Variants in MBOAT2 observed in about 807,000 individuals in gnomAD.
MBOAT2 encodes membrane bound glycerophospholipid O-acyltransferase 2, also known as membrane-bound glycerophospholipid O-acyltransferase 2.
MBOAT2 carries 28 observed loss-of-function variants against 63.4 expected under a neutral mutation model. That is an observed-to-expected ratio of 0.44 (90% confidence interval 0.33 to 0.61). The LOEUF (loss-of-function observed/expected upper bound fraction) is 0.61. Ranked by LOEUF, MBOAT2 falls within the 20% of genes least tolerant of loss-of-function variation. The probability of loss-of-function intolerance (pLI) is 0.03; values close to 1 mark genes in which losing one functional copy is unlikely to be tolerated. For missense variants in MBOAT2, 470 were observed against 605.8 expected, an observed-to-expected ratio of 0.78 and a Z score of 2.35; for synonymous variants, 211 against 215.6, an observed-to-expected ratio of 0.98 and a Z score of 0.19.
chr2:8,909,674 T>C (rs1665569757), intron 3 of MBOAT2, among the ~76,000 whole-genome samples: 1 of 152,212 alleles, frequency 6.6e-6, no homozygotes. Context: ...AAATAGTTAA[T>C]TATAATCTTT....
chr2:8,981,985 G>A (rs1386511510), intron 1 of MBOAT2, among the ~76,000 whole-genome samples: 1 of 152,110 alleles, frequency 6.6e-6, no homozygotes, highest in African/African-American at 2.4e-5. Context: ...CCAAATATGA[G>A]TAGTGGGCTT....
intron 1 of MBOAT2, among the ~76,000 whole-genome samples, chr2:8,970,947 A>G (rs1240959141): frequency 2.0e-5 from 3 of 152,300 alleles, no homozygotes; most frequent in East Asian, 3.9e-4. Context: ...ACAAGGAGGA[A>G]CTGGTACCAT....
At chr2:8,996,860 A>G (rs1672346574) in intron 1 of MBOAT2, among the ~76,000 whole-genome samples, 1 of 152,250 alleles carries the variant, frequency 6.6e-6, no homozygotes. Context: ...AACATTAAGC[A>G]GAATGTAAAT....
At chr2:8,993,569 A>G (rs562068436) in intron 1 of MBOAT2, among the ~76,000 whole-genome samples, 1 of 152,212 alleles carries the variant, frequency 6.6e-6, no homozygotes, top group East Asian at 1.9e-4. Context: ...AAAGACAGGA[A>G]AAGTGCACAG....
Position 8,888,042 on chromosome 2 carries a change from T to C in MBOAT2, c.427A>G (p.Ser143Gly), listed in dbSNP as rs1383159402. 6.2e-7 allele frequency: 1 copy of C among 1,613,406 alleles called. No individual in the cohort carries two copies. Among genetic ancestry groups the C allele is most frequent in the Non-Finnish European group, 8.5e-7 (1 of 1,179,766 alleles). Residue 143 changes from serine to glycine, a missense_variant, in exon 5 of 13, where the codon AGT becomes GGT. Around this residue, in one of 3 missense-constraint regions of MBOAT2, gnomAD observed 376 missense variants for 503.8 expected, o/e 0.75. Coordinates refer to ENST00000305997, the MANE Select transcript of MBOAT2 (RefSeq NM_138799.4). ...PMMIITQKIT[S>G]LACEIHDGMF... The stretch of plus-strand genomic sequence containing the variant: ...CCATCATGAATTTCGCAAGCCAAAC[T>C]AGTGATCTTCTGAGTAATGATCATC...
At chr2:8,887,732 C>G (rs918482310) in intron 5 of MBOAT2, among the ~76,000 whole-genome samples, 3 of 152,154 alleles carry the variant, frequency 2.0e-5, no homozygotes, top group Non-Finnish European at 2.9e-5. Flanking sequence ...CTGATCTAGA[C>G]CAAATGTCTC....
At chr2:8,938,500 G>T (rs916256580) in intron 3 of MBOAT2, among the ~76,000 whole-genome samples, 1 of 151,012 alleles carries the variant, frequency 6.6e-6, no homozygotes, top group Non-Finnish European at 1.5e-5. Context: ...CACGTTTCAT[G>T]CCGCCACATT....
At chr2:9,000,017 C>T (rs1240344519) in intron 1 of MBOAT2, among the ~76,000 whole-genome samples, 1 of 152,220 alleles carries the variant, frequency 6.6e-6, no homozygotes, top group Non-Finnish European at 1.5e-5. Flanking sequence ...TTTCTGCTAC[C>T]TTGCCCTGCA....
chr2:8,933,454 C>T (rs1250722450), intron 3 of MBOAT2, among the ~76,000 whole-genome samples: 3 of 152,102 alleles, frequency 2.0e-5, no homozygotes, highest in Non-Finnish European at 4.4e-5. Context: ...GTTCAGCAAT[C>T]CTCCTGCCCT....
At chr2:8,972,861 AGG>A (rs1670548160) in intron 1 of MBOAT2, among the ~76,000 whole-genome samples, 2 of 152,222 alleles carry the variant, frequency 1.3e-5, no homozygotes, top group Non-Finnish European at 2.9e-5. Context: ...TTAAAAAGTC[AGG>A]AAACAACAGG....
chr2:8,995,298 TG>T (rs1672206500), intron 1 of MBOAT2, among the ~76,000 whole-genome samples: 1 of 152,346 alleles, frequency 6.6e-6, no homozygotes, highest in African/African-American at 2.4e-5. Context: ...AAGGGACACT[TG>T]GCTCAGGCCT....
rs1289902451 is a variant in MBOAT2, at chr2:8,868,455, T to C, written c.978A>G (p.Gln326=). ...TTAAAGATTGACTCACCTCTATTTG[T>C]TGAATTCTCAAATTGGAAATTAAGT... ...RWDLISNLRI[Q]QIEMSTSFKM... The change falls in exon 9 of 13, where the codon CAA becomes CAG. Residue 326 remains glutamine (Q), a synonymous_variant. Coordinates refer to ENST00000305997, the MANE Select transcript of MBOAT2 (RefSeq NM_138799.4). 3 of 1,613,538 alleles carry C rather than the reference T, an allele frequency of 1.9e-6. No individual in the cohort carries two copies. The highest frequency in any genetic ancestry group is 2.5e-6 in the Non-Finnish European group (3 of 1,179,792).
At chr2:8,894,253 G>A (rs1309256095) in intron 4 of MBOAT2, among the ~76,000 whole-genome samples, 1 of 152,200 alleles carries the variant, frequency 6.6e-6, no homozygotes, top group Non-Finnish European at 1.5e-5. Flanking sequence ...CATACATTCA[G>A]GGAGAAAGGC....
chr2:8,974,386 G>A (rs765180738), intron 1 of MBOAT2: 15 of 456,406 alleles, frequency 3.3e-5, no homozygotes, highest in South Asian at 9.3e-5. Flanking sequence ...TGCCAGGTAC[G>A]TGAGACACAC....
intron 1 of MBOAT2, chr2:8,974,396 C>G (rs1276538686): frequency 8.8e-6 from 4 of 456,228 alleles, no homozygotes; most frequent in African/African-American, 2.0e-5. Context: ...GTGAGACACA[C>G]GGAAGGGGAA....
chr2:8,981,793 G>A (rs541491605), intron 1 of MBOAT2, among the ~76,000 whole-genome samples: 49 of 152,276 alleles, frequency 3.2e-4, no homozygotes, highest in African/African-American at 1.1e-3. Context: ...TCTGTAATTT[G>A]CTTTAGGGGT....
intron 1 of MBOAT2, among the ~76,000 whole-genome samples, chr2:8,995,132 C>T (rs939673038): frequency 6.6e-6 from 1 of 152,134 alleles, no homozygotes; most frequent in African/African-American, 2.4e-5. Context: ...ACAGTAAGAA[C>T]AGAACTGCCA....
At chr2:8,994,607 G>A (rs1672143484) in intron 1 of MBOAT2, among the ~76,000 whole-genome samples, 1 of 152,210 alleles carries the variant, frequency 6.6e-6, no homozygotes, top group Non-Finnish European at 1.5e-5. Context: ...ATGCTGCATG[G>A]GATGCGAGAC....
At chr2:8,968,844 A>G (rs941266161) in intron 1 of MBOAT2, among the ~76,000 whole-genome samples, 1 of 152,198 alleles carries the variant, frequency 6.6e-6, no homozygotes, top group Non-Finnish European at 1.5e-5. Context: ...GAGTAAAAAG[A>G]AACGAAAAAA....
Sources: allele counts gnomAD v4.1 joint callset (sites outside exome capture counted in the v4.1 genomes callset), GRCh38; gene constraint gnomAD v4.1.1; regional missense constraint gnomAD v4.1.1; transcripts MANE v1.5; gene names NCBI Gene and HGNC (gene_info 2026-07-23, HGNC 2026-07-21).